Variants in HSPA12A observed in about 807,000 individuals in gnomAD.
The protein encoded by HSPA12A is heat shock protein family A (Hsp70) member 12A.
HSPA12A carries 28 observed loss-of-function variants against 69.2 expected under a neutral mutation model. The observed-to-expected ratio is 0.40, with a 90% CI of 0.30 to 0.55. The LOEUF (loss-of-function observed/expected upper bound fraction) is 0.55. Ranked by LOEUF, HSPA12A falls within the 20% of genes least tolerant of loss-of-function variation. The pLI is 0.38. For synonymous variants in HSPA12A, 345 were observed against 370.5 expected (o/e 0.93, Z 0.79); for missense variants, 686 against 900.7 (o/e 0.76, Z 3.05).
chr10:116,725,923 T>C (rs1264027354), intron 1 of HSPA12A, among the ~76,000 whole-genome samples: 2 of 152,044 alleles, frequency 1.3e-5, no homozygotes, highest in African/African-American at 4.8e-5. Flanking sequence ...AAGGCCTGCC[T>C]CTACCGGCAT....
intron 2 of HSPA12A, among the ~76,000 whole-genome samples, chr10:116,821,564 CACAT>C (rs1413538410): frequency 6.6e-6 from 1 of 152,372 alleles, no homozygotes; most frequent in Non-Finnish European, 1.5e-5. Context: ...CACACATACA[CACAT>C]ACATACATTA....
intron 2 of HSPA12A, among the ~76,000 whole-genome samples, chr10:116,769,296 C>T (rs1844146686): frequency 6.6e-6 from 1 of 152,094 alleles, no homozygotes; most frequent in African/African-American, 2.4e-5. Flanking sequence ...TTAAGGAATG[C>T]TTTCCCCACC....
intron 2 of HSPA12A, among the ~76,000 whole-genome samples, chr10:116,760,936 T>C (rs537739627): frequency 1.2e-4 from 18 of 152,246 alleles, no homozygotes; most frequent in East Asian, 3.9e-4. Flanking sequence ...ATAAAACACA[T>C]GCAAATATGC....
At chr10:116,713,248 A>T (rs1399730723) in intron 1 of HSPA12A, among the ~76,000 whole-genome samples, 1 of 151,990 alleles carries the variant, frequency 6.6e-6, no homozygotes, top group African/African-American at 2.4e-5. Context: ...TGGCTAGCTG[A>T]ACTAATGCAT....
intron 2 of HSPA12A, among the ~76,000 whole-genome samples, chr10:116,805,294 C>T (rs906072841): frequency 5.3e-5 from 8 of 151,826 alleles, no homozygotes; most frequent in Admixed American, 5.3e-4. Flanking sequence ...CCAGCCTGGG[C>T]GACAGAGAGA....
At chr10:116,767,560 GCAAACAGACT>G (rs1844108462) in intron 2 of HSPA12A, among the ~76,000 whole-genome samples, 2 of 152,212 alleles carry the variant, frequency 1.3e-5, no homozygotes, top group Non-Finnish European at 2.9e-5. Context: ...CATTCCTGCT[GCAAACAGACT>G]GGGTGGGGCA....
At chr10:116,754,794 T>C (rs1267906257) in intron 2 of HSPA12A, among the ~76,000 whole-genome samples, 5 of 152,208 alleles carry the variant, frequency 3.3e-5, no homozygotes, top group Non-Finnish European at 7.3e-5. Flanking sequence ...CATCTAATAA[T>C]GAGATCACAG....
chr10:116,770,638 G>T (rs1844182991), intron 2 of HSPA12A, among the ~76,000 whole-genome samples: 2 of 152,154 alleles, frequency 1.3e-5, no homozygotes, highest in Admixed American at 6.5e-5. Context: ...CCGAGCTCCA[G>T]CTGGAGTGCT....
chr10:116,691,635 T>G (rs1449880116), intron 6 of HSPA12A, among the ~76,000 whole-genome samples: 1 of 152,226 alleles, frequency 6.6e-6, no homozygotes, highest in African/African-American at 2.4e-5. Flanking sequence ...GTCCTGTCCC[T>G]GGGACCATAA....
intron 1 of HSPA12A, among the ~76,000 whole-genome samples, chr10:116,717,572 G>A (rs116823601): frequency 6.6e-5 from 10 of 152,240 alleles, no homozygotes; most frequent in African/African-American, 1.7e-4. Flanking sequence ...CCATGACCAC[G>A]TCCTAGATGC....
At chr10:116,739,649 C>G (rs538876263) in intron 1 of HSPA12A, among the ~76,000 whole-genome samples, 2 of 152,298 alleles carry the variant, frequency 1.3e-5, no homozygotes, top group South Asian at 4.2e-4. Flanking sequence ...TCAACCCACT[C>G]AGGTCATGCG....
chr10:116,742,950 C>T (rs1477195644), upstream of HSPA12A, among the ~76,000 whole-genome samples: 2 of 152,144 alleles, frequency 1.3e-5, no homozygotes, highest in Admixed American at 1.3e-4. Context: ...GCCCAGCGCG[C>T]CCGGCGCTCT....
upstream of HSPA12A, among the ~76,000 whole-genome samples, chr10:116,745,862 T>C (rs1851635992): frequency 6.6e-6 from 1 of 152,062 alleles, no homozygotes; most frequent in Non-Finnish European, 1.5e-5. Context: ...AGTAGTATTG[T>C]TAACCCCATT....
chr10:116,735,177 G>A (rs1851277593), intron 1 of HSPA12A, among the ~76,000 whole-genome samples: 1 of 152,192 alleles, frequency 6.6e-6, no homozygotes, highest in South Asian at 2.1e-4. Context: ...CTGGGCACTT[G>A]CAGAACGTCT....
chr10:116,676,747 T>C (rs1004014290), intron 10 of HSPA12A, among the ~76,000 whole-genome samples: 1 of 152,172 alleles, frequency 6.6e-6, no homozygotes, highest in African/African-American at 2.4e-5. Flanking sequence ...TCCCCTGGGA[T>C]AGTGGAGGCC....
chr10:116,786,993 CACACACACACACACAT>C (rs1415700836), intron 2 of HSPA12A, among the ~76,000 whole-genome samples: 2 of 67,604 alleles, frequency 3.0e-5, no homozygotes, highest in Non-Finnish European at 8.2e-5. Flanking sequence ...GACACACACA[CACACACACACACACAT>C]ACACACACGC....
intron 1 of HSPA12A, among the ~76,000 whole-genome samples, chr10:116,717,368 C>G (rs549640261): frequency 2.4e-4 from 36 of 152,334 alleles, no homozygotes; most frequent in African/African-American, 8.4e-4. Context: ...GAGTCACCAT[C>G]ACAGGGCAGC....
intron 1 of HSPA12A, among the ~76,000 whole-genome samples, chr10:116,725,443 C>T (rs781990102): frequency 1.3e-4 from 20 of 152,152 alleles, no homozygotes; most frequent in Non-Finnish European, 2.8e-4. Context: ...CTGAAGCTGG[C>T]ATGGCAGTGT....
Position 116,675,417 on chromosome 10 carries a change from C to A in HSPA12A, c.1392G>T (p.Arg464=). 1.9e-6 allele frequency: 3 copies of A among 1,583,960 alleles called. No individual in the cohort carries two copies. Among genetic ancestry groups the A allele is most frequent in the Non-Finnish European group, 2.6e-6 (3 of 1,165,640 alleles). ...ACACCTCGGGCTTCTGAAACAGGTC[C>A]CCTGGAAGGGAAGAGGCAGGGAGAA... The part of the protein sequence containing the change: ...PTIDSIIEHL[R]DLFQKPEVST... Residue 464 remains arginine (R), a splice_region_variant and synonymous_variant, in exon 12 of 12, where the codon CGG becomes CGT. Coordinates refer to ENST00000369209, the MANE Select transcript of HSPA12A (RefSeq NM_025015.3). This position sits in a 1 kb window ranked among gnomAD's most constrained non-coding sequence, Gnocchi z 5.2.
Sources: gnomAD v4.1 joint callset for allele counts (sites outside exome capture counted in the v4.1 genomes callset) on GRCh38, gnomAD v4.1.1 for gene constraint, Gnocchi (gnomAD v3.1) non-coding constraint, MANE v1.5 for transcripts, NCBI Gene and HGNC (gene_info 2026-07-23, HGNC 2026-07-21) for gene names.